The following CRHR1 variants were observed in gnomAD, a reference collection of about 807,000 sequenced individuals.
CRHR1 encodes the protein corticotropin-releasing hormone receptor 1.
A neutral mutation model predicts 56.0 loss-of-function variants in CRHR1; 28 were observed. The observed-to-expected ratio is 0.50, with a 90% confidence interval of 0.37 to 0.69. CRHR1 has a LOEUF of 0.69. CRHR1 is among the 30% of genes least tolerant of loss of function. The pLI, the probability that CRHR1 is intolerant of heterozygous loss-of-function variation, is 0.00. For missense variants in CRHR1, 376 were observed against 548.0 expected (o/e 0.69, Z 3.13); for synonymous variants, 195 against 216.5 (o/e 0.90, Z 0.87).
intron 4 of CRHR1, among the ~76,000 whole-genome samples, chr17:45,821,811 A>G (rs971771786): frequency 6.6e-6 from 1 of 152,208 alleles, no homozygotes; most frequent in African/African-American, 2.4e-5. Context: ...TGCCTGAGAG[A>G]TACATCCAGT....
chr17:45,808,624 AGGTTTGGTTTGGTTT>A (rs531218086), intron 2 of CRHR1, among the ~76,000 whole-genome samples: 21 of 152,014 alleles, frequency 1.4e-4, no homozygotes, highest in African/African-American at 3.6e-4. Flanking sequence ...TGCCAGTACT[AGGTTTGGTTTGGTTT>A]GGTTTGGTTT....
At chr17:45,807,172 G>A in intron 2 of CRHR1, 75 bp downstream of exon 2, 2 of 1,365,744 alleles carry the variant, frequency 1.5e-6, no homozygotes, top group Admixed American at 1.8e-5. Context: ...CCCAGAGCCT[G>A]CACACAGAAC....
At chr17:45,815,594 T>C (rs1215271606) in intron 2 of CRHR1, among the ~76,000 whole-genome samples, 1 of 152,222 alleles carries the variant, frequency 6.6e-6, no homozygotes, top group East Asian at 1.9e-4. Context: ...TTTCATTACA[T>C]TCAGGGTCTC....
rs1328303620 is a variant in CRHR1, at chr17:45,784,619, GC to G, written c.33+46del. On this transcript the variant is annotated intron_variant, in intron 1 of 12. Coordinates refer to ENST00000314537, the MANE Select transcript of CRHR1 (RefSeq NM_004382.5). The surrounding 1 kb of genome is among the most constrained non-coding windows in gnomAD (Gnocchi z 4.2). The stretch of plus-strand genomic sequence containing the variant: ...CATCCCTCGAGCGCTGGCGCCCCCG[GC>G]CCCTGGCGGACGCGGGACGGGGCTG... The G allele has an allele frequency of 1.3e-6, 2 of 1,528,236 alleles. No homozygotes were observed. The highest frequency in any genetic ancestry group is 1.4e-5 in the African/African-American group (1 of 71,008). 94.7% of individuals were successfully genotyped at this position (1,528,236 alleles called of 1,614,324 possible).
Position 45,830,078 on chromosome 17 carries a change from C to T in CRHR1, c.435-16C>T, listed in dbSNP as rs771560368. On this transcript the variant is annotated splice_polypyrimidine_tract_variant and intron_variant, in intron 5 of 12. Coordinates refer to ENST00000314537, the MANE Select transcript of CRHR1 (RefSeq NM_004382.5). Reference sequence around the variant, plus strand: ...TCTCCTATCGCTCCCATCATCCACCCGCCCTGCTGCACCAGGAGCATCCGG... The same window carrying T: ...TCTCCTATCGCTCCCATCATCCACCTGCCCTGCTGCACCAGGAGCATCCGG... 3.0e-5 allele frequency: 48 copies of T among 1,613,892 alleles called. No homozygotes were observed. Among genetic ancestry groups the T allele is most frequent in the South Asian group, 1.4e-4 (13 of 91,072 alleles).
intron 2 of CRHR1, among the ~76,000 whole-genome samples, chr17:45,809,178 G>A (rs936040916): frequency 6.6e-6 from 1 of 152,226 alleles, no homozygotes; most frequent in African/African-American, 2.4e-5. Flanking sequence ...TTGGCGGAAG[G>A]ACCAGGAAGA....
chr17:45,834,824 C>T lies in CRHR1; in HGVS notation c.*60C>T. ...TGGCTGGGGGGATGACGGCCAGGCT[C>T]CCTGACCACCCTGCCTGTGGAGGTG... On this transcript the variant is annotated 3_prime_UTR_variant, in exon 13 of 13. Coordinates refer to ENST00000314537, the MANE Select transcript of CRHR1 (RefSeq NM_004382.5). The T allele has an allele frequency of 6.2e-7, 1 of 1,603,768 alleles. No individual in the cohort carries two copies. The highest frequency in any genetic ancestry group is 1.3e-5 in the African/African-American group (1 of 74,950).
At chr17:45,830,789 A>G in intron 7 of CRHR1, 91 bp from the exon 8 acceptor site, 1 of 1,359,698 alleles carries the variant, frequency 7.4e-7, no homozygotes, top group Non-Finnish European at 1.0e-6. Context: ...GTAACCCCAG[A>G]CCCCCTGGAG....
At chr17:45,833,693 T>TGGGGGGGGGC in intron 10 of CRHR1, 21 bp from the exon 11 acceptor site, 26 of 1,571,578 alleles carry the variant, frequency 1.7e-5, no homozygotes, top group Non-Finnish European at 2.2e-5. Flanking sequence ...ACTCCGAGCC[T>TGGGGGGGGGC]CCCCACCCGC....
intron 1 of CRHR1, among the ~76,000 whole-genome samples, chr17:45,803,779 T>C (rs374795364): frequency 0.96 from 146,408 of 151,952 alleles, 70,711 homozygotes; most frequent in Non-Finnish European, 1. Flanking sequence ...TGTGTGTGCG[T>C]GCGCGTGCGC....
chr17:45,786,308 T>C (rs1344636560), intron 1 of CRHR1, among the ~76,000 whole-genome samples: 10 of 152,178 alleles, frequency 6.6e-5, no homozygotes, highest in Admixed American at 5.9e-4. Flanking sequence ...ATAAACTCAG[T>C]AGGCATTCAA....
chr17:45,821,824 C>T (rs549838308), intron 4 of CRHR1, among the ~76,000 whole-genome samples: 29 of 152,332 alleles, frequency 1.9e-4, no homozygotes, highest in Admixed American at 4.6e-4. Context: ...CATCCAGTTC[C>T]AGCCACAGGG....
At chr17:45,788,919 G>A (rs999385178) in intron 1 of CRHR1, among the ~76,000 whole-genome samples, 2 of 152,198 alleles carry the variant, frequency 1.3e-5, no homozygotes, top group African/African-American at 4.8e-5. Flanking sequence ...GGTCGAAACA[G>A]AAGGCTGAGA....
intron 7 of CRHR1, 36 bp from the exon 8 acceptor site, chr17:45,830,844 C>T (rs749375258): frequency 1.2e-5 from 20 of 1,605,512 alleles, no homozygotes; most frequent in East Asian, 4.5e-5. Flanking sequence ...CTCCAGCCCC[C>T]GCTGAGGGCT....
At position 45,816,550 on chromosome 17, in the gene CRHR1, C is replaced by A. The variant is rs1418364348; in HGVS notation, c.209C>A (p.Ala70Asp). The change falls in exon 3 of 13, where the codon GCC becomes GAC. Residue 70 changes from alanine to aspartate, a missense_variant. Around this residue, in one of 2 missense-constraint regions of CRHR1, gnomAD observed 369 missense variants for 519.5 expected, o/e 0.71. Transcript: ENST00000314537. ...CAGCTAGTGGTTCGGCCCTGCCCTG[C>A]CTTTTTCTATGGTGTCCGCTACAAT... is the stretch of plus-strand genomic sequence containing the variant. Reference protein sequence around the residue: ...AGQLVVRPCPAFFYGVRYNTT... With the variant: ...AGQLVVRPCPDFFYGVRYNTT... 2 of 1,614,090 alleles carry A rather than the reference C, an allele frequency of 1.2e-6. No homozygotes were observed. Among genetic ancestry groups the A allele is most frequent in the South Asian group, 2.2e-5 (2 of 91,070 alleles).
rs372605960 is a variant in CRHR1, at chr17:45,816,369, G to A, written c.122-94G>A. ...CCCTAGCTGGTGTGAGTGGGAACGAGTGGGGAGGTGGGCAGAACTCTGGAA... is the reference window on the plus strand; with the variant it reads ...CCCTAGCTGGTGTGAGTGGGAACGAATGGGGAGGTGGGCAGAACTCTGGAA... On this transcript the variant is annotated intron_variant, in intron 2 of 12. Coordinates refer to ENST00000314537, the MANE Select transcript of CRHR1 (RefSeq NM_004382.5). 2.6e-6 allele frequency: 4 copies of A among 1,539,984 alleles called. No homozygotes were observed. In the African/African-American group the frequency reaches 5.5e-5, roughly 21 times the overall value.
At chr17:45,832,509 T>C (rs1026310971) in intron 8 of CRHR1, among the ~76,000 whole-genome samples, 4 of 151,536 alleles carry the variant, frequency 2.6e-5, no homozygotes, top group Non-Finnish European at 5.9e-5. Context: ...TTCTGGCTTA[T>C]GAGATCTAGC....
chr17:45,791,862 A>T (rs1383434148), intron 1 of CRHR1, among the ~76,000 whole-genome samples: 6 of 150,828 alleles, frequency 4.0e-5, no homozygotes, highest in South Asian at 2.1e-4. Context: ...TCACACACAC[A>T]CACACACACA....
At chr17:45,788,817 C>T (rs138641362) in intron 1 of CRHR1, among the ~76,000 whole-genome samples, 6 of 152,294 alleles carry the variant, frequency 3.9e-5, no homozygotes, top group East Asian at 1.9e-4. Context: ...AAATGTTTGT[C>T]GACTTCATGG....
Sources: allele counts gnomAD v4.1 joint callset (sites outside exome capture counted in the v4.1 genomes callset), GRCh38; gene constraint gnomAD v4.1.1; regional missense constraint gnomAD v4.1.1; non-coding constraint Gnocchi (gnomAD v3.1); transcripts MANE v1.5; gene names NCBI Gene and HGNC (gene_info 2026-07-23, HGNC 2026-07-21).